Variants in RYR2 observed in about 807,000 individuals in gnomAD.
RYR2 encodes the protein cardiac muscle ryanodine receptor-calcium release channel.
Under a neutral mutation model 601.1 loss-of-function variants are expected in RYR2, and 227 were observed. The observed-to-expected ratio is 0.38, with a 90% confidence interval of 0.34 to 0.42. The LOEUF (loss-of-function observed/expected upper bound fraction) is 0.42, where lower values mean the gene tolerates loss of function less well. Ranked by LOEUF, RYR2 falls within the 10% of genes least tolerant of loss-of-function variation. RYR2 has a pLI of 1.00. For synonymous variants in RYR2, 2,223 were observed against 2,175.1 expected, an observed-to-expected ratio of 1.02 and a Z score of -0.61; for missense variants, 4,646 against 6,156.5, an observed-to-expected ratio of 0.75 and a Z score of 8.21.
At chr1:237,538,160 T>A (rs868549233) in intron 25 of RYR2, among the ~76,000 whole-genome samples, 1 of 150,370 alleles carries the variant, frequency 6.7e-6, no homozygotes, top group Non-Finnish European at 1.5e-5. Context: ...GAAGTCGAGG[T>A]GGGCAGATCA....
chr1:237,613,877 A>T (rs1052880457), intron 36 of RYR2, among the ~76,000 whole-genome samples, 162 bp from the exon 37 acceptor site: 1 of 152,162 alleles, frequency 6.6e-6, no homozygotes, highest in Admixed American at 6.5e-5. Context: ...AATCCAAACA[A>T]TTCTGGTCCC....
chr1:237,248,759 AT>A (rs34881922), intron 1 of RYR2, among the ~76,000 whole-genome samples: 61,456 of 119,418 alleles, frequency 0.51, 13,716 homozygotes, highest in Middle Eastern at 0.59. Flanking sequence ...ATGAATGTAC[AT>A]TTTTTTTTTT....
chr1:237,133,832 G>A (rs1316254737), intron 1 of RYR2, among the ~76,000 whole-genome samples: 1 of 148,520 alleles, frequency 6.7e-6, no homozygotes, highest in Non-Finnish European at 1.5e-5. Context: ...GGCTGAGGCA[G>A]GAGAATCGCT....
intron 1 of RYR2, among the ~76,000 whole-genome samples, chr1:237,043,053 G>A (rs1660116660): frequency 6.6e-6 from 1 of 152,204 alleles, no homozygotes. Context: ...GGCTGGACCC[G>A]CGCGTTGTCA....
chr1:237,629,549 A>AG (rs1680035152), intron 41 of RYR2, among the ~76,000 whole-genome samples: 1 of 152,102 alleles, frequency 6.6e-6, no homozygotes, highest in Admixed American at 6.6e-5. Flanking sequence ...CAGAAAAAAA[A>AG]GCTGATGTAG....
intron 51 of RYR2, among the ~76,000 whole-genome samples, chr1:237,654,033 C>T (rs1403176419): frequency 6.6e-6 from 1 of 152,190 alleles, no homozygotes. Flanking sequence ...GCAACCCCCT[C>T]ACAGACACAC....
intron 1 of RYR2, among the ~76,000 whole-genome samples, chr1:237,114,002 T>A (rs926715696): frequency 1.3e-5 from 2 of 152,180 alleles, no homozygotes; most frequent in Non-Finnish European, 2.9e-5. Flanking sequence ...TTCTCTCAGC[T>A]CTTTGTGCCA....
In RYR2 at chr1:237,054,231, C is replaced by T. The variant is rs76256285; in HGVS notation, c.48+11662C>T. ...TCCCTTCCTTCCTTTTTCTTCCCTCCTTCTCTCCCTCCCTTTATCCATCAC... is the reference window on the plus strand; with the variant it reads ...TCCCTTCCTTCCTTTTTCTTCCCTCTTTCTCTCCCTCCCTTTATCCATCAC... On this transcript the variant is annotated intron_variant, in intron 1 of 104. Transcript: ENST00000366574. Among the ~76,000 whole-genome samples, 522 of 148,702 alleles carry T rather than the reference C, an allele frequency of 3.5e-3. 2 individuals carry two copies. Among genetic ancestry groups the T allele is most frequent in the African/African-American group, 0.013 (504 of 40,218 alleles).
chr1:237,139,420 TG>T (rs1558305125), intron 1 of RYR2, among the ~76,000 whole-genome samples: 1 of 152,156 alleles, frequency 6.6e-6, no homozygotes, highest in African/African-American at 2.4e-5. Flanking sequence ...GTTCCTTTTT[TG>T]GGGGGATAAA....
intron 62 of RYR2, among the ~76,000 whole-genome samples, chr1:237,684,803 C>T (rs982603748): frequency 6.0e-5 from 9 of 150,436 alleles, no homozygotes; most frequent in African/African-American, 1.5e-4. Context: ...CTTGAAGCTC[C>T]GAGGAAGTAG....
At chr1:237,657,342 T>C (rs1433046450) in intron 53 of RYR2, among the ~76,000 whole-genome samples, 2 of 152,054 alleles carry the variant, frequency 1.3e-5, no homozygotes, top group Non-Finnish European at 2.9e-5. Context: ...ATTATGTATG[T>C]ATGTATATAT....
chr1:237,743,052 G>C (rs1691749638), intron 80 of RYR2, among the ~76,000 whole-genome samples: 1 of 151,878 alleles, frequency 6.6e-6, no homozygotes, highest in Non-Finnish European at 1.5e-5. Flanking sequence ...TTTGTTTATT[G>C]GCTCTTTTTT....
chr1:237,653,170 G>A (rs774749116), intron 51 of RYR2, among the ~76,000 whole-genome samples: 9 of 152,142 alleles, frequency 5.9e-5, no homozygotes, highest in Non-Finnish European at 8.8e-5. Flanking sequence ...AAGGAGCAAC[G>A]TAGACAATCA....
chr1:237,309,866 G>A (rs12743962), intron 2 of RYR2, among the ~76,000 whole-genome samples: 4 of 151,938 alleles, frequency 2.6e-5, no homozygotes, highest in Admixed American at 6.5e-5. Flanking sequence ...AGCTGCTGCC[G>A]CAGGTGCTAA....
chr1:237,747,466 G>A (rs1307538200), intron 80 of RYR2, among the ~76,000 whole-genome samples: 1 of 152,122 alleles, frequency 6.6e-6, no homozygotes, highest in Non-Finnish European at 1.5e-5. Context: ...CCAATACCCA[G>A]CTCGTATCCC....
chr1:237,150,052 C>G (rs1483589799), intron 1 of RYR2, among the ~76,000 whole-genome samples: 1 of 152,208 alleles, frequency 6.6e-6, no homozygotes, highest in Admixed American at 6.5e-5. Context: ...CTTATATATG[C>G]CAGGCACAGT....
intron 1 of RYR2, among the ~76,000 whole-genome samples, chr1:237,144,435 C>T (rs887509722): frequency 6.6e-6 from 1 of 152,140 alleles, no homozygotes; most frequent in African/African-American, 2.4e-5. Context: ...CTGCCGTCTT[C>T]CAGTAGAGAC....
Position 237,309,749 on chromosome 1 carries a change from C to A in RYR2, c.169-21129C>A, listed in dbSNP as rs544145141. Among the ~76,000 whole-genome samples, 9 of 152,308 alleles carry A rather than the reference C, an allele frequency of 5.9e-5. No homozygotes were observed. In the South Asian group the frequency reaches 1.4e-3, roughly 25 times the overall value. On this transcript the variant is annotated intron_variant, in intron 2 of 104. Coordinates refer to ENST00000366574, the MANE Select transcript of RYR2 (RefSeq NM_001035.3). The stretch of plus-strand genomic sequence containing the variant: ...CGGGGGGAGGCTCGGGCATGGCAGG[C>A]TGCAGGTCCCGTGCCCTGCCCTGCG...
chr1:237,563,051 A>G (rs1671610719), intron 27 of RYR2, among the ~76,000 whole-genome samples: 1 of 152,194 alleles, frequency 6.6e-6, no homozygotes, highest in Admixed American at 6.5e-5. Flanking sequence ...AGCAAGAGGT[A>G]TAATGTTGAA....
Sources: gnomAD v4.1 joint callset for allele counts (sites outside exome capture counted in the v4.1 genomes callset) on GRCh38, gnomAD v4.1.1 for gene constraint, MANE v1.5 for transcripts, NCBI Gene and HGNC (gene_info 2026-07-23, HGNC 2026-07-21) for gene names.